The following FOXP4 variants were observed in gnomAD, a reference collection of about 807,000 sequenced individuals.
FOXP4 encodes forkhead box protein P4.
A neutral mutation model predicts 82.6 loss-of-function variants in FOXP4; 25 were observed. The observed-to-expected ratio is 0.30, with a 90% CI of 0.22 to 0.42. The LOEUF (loss-of-function observed/expected upper bound fraction) is 0.42. FOXP4 is among the 10% of genes least tolerant of loss of function. The pLI is 1.00. For synonymous variants in FOXP4, 415 were observed against 388.2 expected, an observed-to-expected ratio of 1.07 and a Z score of -0.81; for missense variants, 785 against 900.9, an observed-to-expected ratio of 0.87 and a Z score of 1.65.
chr6:41,566,709 A>G (rs376760904), intron 2 of FOXP4, among the ~76,000 whole-genome samples: 1 of 152,190 alleles, frequency 6.6e-6, no homozygotes, highest in African/African-American at 2.4e-5. Context: ...CAAGTTGAGG[A>G]GAACCTTCCC....
intron 1 of FOXP4, among the ~76,000 whole-genome samples, chr6:41,561,468 A>AG (rs1297137060): frequency 6.6e-6 from 1 of 152,192 alleles, no homozygotes; most frequent in Non-Finnish European, 1.5e-5. Context: ...GACTTGCCCA[A>AG]GGTCACACAG....
intron 1 of FOXP4, among the ~76,000 whole-genome samples, chr6:41,554,892 G>A (rs1764190750): frequency 1.3e-5 from 2 of 151,666 alleles, no homozygotes; most frequent in Admixed American, 1.3e-4. Flanking sequence ...GTCTGTACAA[G>A]AAGATCTCAG....
intron 2 of FOXP4, among the ~76,000 whole-genome samples, chr6:41,571,294 C>G (rs770753284): frequency 1.1e-4 from 16 of 152,244 alleles, no homozygotes; most frequent in African/African-American, 1.7e-4. Context: ...TGCATCATTG[C>G]TAGAAGCAGG....
intron 1 of FOXP4, among the ~76,000 whole-genome samples, chr6:41,550,569 T>C (rs1763942215): frequency 1.3e-5 from 2 of 152,194 alleles, no homozygotes; most frequent in African/African-American, 4.8e-5. Context: ...GTATAACCAG[T>C]AGGGCTTGAG....
chr6:41,587,667 C>T (rs1766232454), intron 7 of FOXP4, 126 bp from the exon 8 acceptor site: 1 of 914,248 alleles, frequency 1.1e-6, no homozygotes, highest in Non-Finnish European at 1.7e-6. Context: ...ACAGATGGTG[C>T]TTGGCCGCTG....
Position 41,599,233 on chromosome 6 carries a change from C to T in FOXP4, c.*297C>T. 1 of 258,188 alleles carries T rather than the reference C, an allele frequency of 3.9e-6. No individual in the cohort carries two copies. Among genetic ancestry groups the T allele is most frequent in the Non-Finnish European group, 7.4e-6 (1 of 134,872 alleles). 16.0% of individuals were successfully genotyped at this position (258,188 alleles called of 1,614,324 possible). A position where few individuals can be genotyped will look rare whatever the true frequency, so the allele number is the denominator to read the frequency against. Reference sequence around the variant, plus strand: ...GCCTCCCCCCAACCACCAGCAGCAGCAGGGCCCTCCTCCCCCACCAGCTCT... The same window carrying T: ...GCCTCCCCCCAACCACCAGCAGCAGTAGGGCCCTCCTCCCCCACCAGCTCT... On this transcript the variant is annotated 3_prime_UTR_variant, in exon 17 of 17. Coordinates refer to ENST00000307972, the MANE Select transcript of FOXP4 (RefSeq NM_001012426.2).
At chr6:41,551,065 G>T (rs1296744077) in intron 1 of FOXP4, among the ~76,000 whole-genome samples, 1 of 152,172 alleles carries the variant, frequency 6.6e-6, no homozygotes, top group Non-Finnish European at 1.5e-5. Context: ...CACACCTTCA[G>T]TCCACTGCCA....
intron 3 of FOXP4, 81 bp from the exon 4 acceptor site, chr6:41,584,688 C>T: frequency 6.8e-7 from 1 of 1,460,378 alleles, no homozygotes; most frequent in South Asian, 1.4e-5. Context: ...GCCACTCTGC[C>T]ACGCTGAGAG....
chr6:41,569,899 C>G (rs1288875409), intron 2 of FOXP4, among the ~76,000 whole-genome samples: 1 of 151,672 alleles, frequency 6.6e-6, no homozygotes, highest in Non-Finnish European at 1.5e-5. Flanking sequence ...TTTTACCTCA[C>G]CCCCCCTTCA....
At chr6:41,578,857 C>A (rs923450988) in intron 3 of FOXP4, among the ~76,000 whole-genome samples, 1 of 152,040 alleles carries the variant, frequency 6.6e-6, no homozygotes, top group Admixed American at 6.6e-5. Flanking sequence ...GATCCATGCT[C>A]CCCCCACCCC....
intron 1 of FOXP4, among the ~76,000 whole-genome samples, chr6:41,547,213 GCCA>G (rs1362153971): frequency 6.6e-6 from 1 of 151,942 alleles, no homozygotes; most frequent in African/African-American, 2.4e-5. Context: ...GGCCGGAGAG[GCCA>G]CCGAGGCCCG....
In FOXP4 at chr6:41,587,913, A is replaced by G; in HGVS notation, c.977+16A>G. 7.2e-7 allele frequency: 1 copy of G among 1,390,394 alleles called. No homozygotes were observed. The highest frequency in any genetic ancestry group is 9.9e-7 in the Non-Finnish European group (1 of 1,009,894). The allele number at this position is 1,390,394 out of a possible 1,614,324, so 86.1% of individuals were successfully genotyped here. A position where few individuals can be genotyped will look rare whatever the true frequency, so the allele number is the denominator to read the frequency against. On this transcript the variant is annotated intron_variant, in intron 8 of 16. Coordinates refer to ENST00000307972, the MANE Select transcript of FOXP4 (RefSeq NM_001012426.2). Reference sequence around the variant, plus strand: ...AGTTTATCAAGTAGGTGTCACCCCCAGCCCCTCCCCCAGCAGCCTTTCCCC... The same window carrying G: ...AGTTTATCAAGTAGGTGTCACCCCCGGCCCCTCCCCCAGCAGCCTTTCCCC...
At position 41,599,383 on chromosome 6, in the gene FOXP4, C is replaced by T. The variant is rs185662235; in HGVS notation, c.*447C>T. ...GCCAGAGGCCCCCACTTTCCTAACT[C>T]GTGCTCCCTTCCGCCTTCTTTTCCG... On this transcript the variant is annotated 3_prime_UTR_variant, in exon 17 of 17. Coordinates refer to ENST00000307972, the MANE Select transcript of FOXP4 (RefSeq NM_001012426.2). 206 of 160,332 alleles carry T rather than the reference C, an allele frequency of 1.3e-3. No individual in the cohort carries two copies. The highest frequency in any genetic ancestry group is 2.0e-3 in the Non-Finnish European group (148 of 72,248). The allele number at this position is 160,332 out of a possible 1,614,324, so 9.9% of individuals were successfully genotyped here. A position where few individuals can be genotyped will look rare whatever the true frequency, so the allele number is the denominator to read the frequency against.
intron 5 of FOXP4, 134 bp downstream of exon 5, chr6:41,585,651 A>C: frequency 1.3e-6 from 1 of 783,866 alleles, no homozygotes; most frequent in Non-Finnish European, 2.0e-6. Context: ...GGGACCAAGG[A>C]TCAGTGTGGG....
intron 5 of FOXP4, among the ~76,000 whole-genome samples, chr6:41,586,124 T>C (rs1179529915): frequency 6.6e-6 from 1 of 151,946 alleles, no homozygotes; most frequent in Non-Finnish European, 1.5e-5. Context: ...AAGCTCTAAG[T>C]TTCCTCTTCC....
At chr6:41,589,908 C>T (rs1766394954) in intron 10 of FOXP4, 54 bp downstream of exon 10, 7 of 1,609,962 alleles carry the variant, frequency 4.3e-6, no homozygotes, top group Admixed American at 3.3e-5. Flanking sequence ...GACCCTGGAG[C>T]CTCGGGACCC....
intron 3 of FOXP4, among the ~76,000 whole-genome samples, chr6:41,579,726 T>G (rs1288188010): frequency 6.6e-6 from 1 of 152,194 alleles, no homozygotes; most frequent in Non-Finnish European, 1.5e-5. Context: ...AAAATGATGT[T>G]TTTCTCAGGC....
chr6:41,575,070 G>A (rs1368763125), intron 2 of FOXP4, among the ~76,000 whole-genome samples: 2 of 152,126 alleles, frequency 1.3e-5, no homozygotes, highest in Non-Finnish European at 2.9e-5. Context: ...CCGGGTTCAC[G>A]CCATCATTCT....
chr6:41,550,548 C>G (rs1475931408), intron 1 of FOXP4, among the ~76,000 whole-genome samples: 1 of 152,236 alleles, frequency 6.6e-6, no homozygotes, highest in Non-Finnish European at 1.5e-5. Context: ...ATATGGGGCC[C>G]TCGACTCCCA....
Sources: gnomAD v4.1 joint callset for allele counts (sites outside exome capture counted in the v4.1 genomes callset) on GRCh38, gnomAD v4.1.1 for gene constraint, MANE v1.5 for transcripts, NCBI Gene and HGNC (gene_info 2026-07-23, HGNC 2026-07-21) for gene names.